Variants in DHX29 observed in about 807,000 individuals in gnomAD.
DHX29 encodes the protein DExH-box helicase 29.
Under a neutral mutation model 167.9 loss-of-function variants are expected in DHX29, and 79 were observed. That is an observed-to-expected ratio of 0.47 (90% CI 0.39 to 0.57). The LOEUF (loss-of-function observed/expected upper bound fraction) is 0.57. DHX29 is among the 20% of genes least tolerant of loss of function. The pLI, the probability that DHX29 is intolerant of heterozygous loss-of-function variation, is 0.00. For synonymous variants in DHX29, 530 were observed against 546.0 expected, an observed-to-expected ratio of 0.97 and a Z score of 0.41; for missense variants, 1,347 against 1,593.4, an observed-to-expected ratio of 0.85 and a Z score of 2.63.
Position 55,295,501 on chromosome 5 carries a change from G to A in DHX29, c.529C>T (p.Gln177Ter). The change falls in exon 5 of 27, where the codon CAG becomes TAG. Residue 177 changes from glutamine (Q) to a stop codon, truncating the protein, a stop_gained. Transcript: ENST00000251636. LOFTEE classifies it high-confidence loss of function. ...TTAGGTTGCTGCTCTTCAAATTCCTGACTGAATCCTTCAGGAAGTGCATCT... is the reference window on the plus strand; with the variant it reads ...TTAGGTTGCTGCTCTTCAAATTCCTAACTGAATCCTTCAGGAAGTGCATCT... ...SDDALPEGFSQEFEEQQPKSR... is the reference protein window; with the variant it reads ...SDDALPEGFS 1 of 1,613,804 alleles carries A rather than the reference G, an allele frequency of 6.2e-7. No individual in the cohort carries two copies.
At chr5:55,271,057 C>A (rs1746832256) in intron 18 of DHX29, among the ~76,000 whole-genome samples, 1 of 152,106 alleles carries the variant, frequency 6.6e-6, no homozygotes. Flanking sequence ...ATTCAACATA[C>A]CTTTCACGAT....
intron 5 of DHX29, among the ~76,000 whole-genome samples, chr5:55,294,536 G>T (rs1579811530): frequency 6.6e-6 from 1 of 152,132 alleles, no homozygotes; most frequent in South Asian, 2.1e-4. Context: ...TTAGCCATGC[G>T]TGGTGGAGGG....
At position 55,261,388 on chromosome 5, in the gene DHX29, C is replaced by T; in HGVS notation, c.3940G>A (p.Asp1314Asn). ...TGTACCTGAAAATAGATCCAGCCAT[C>T]AATAGAAAGAAGACGTTCTCGGTGC... ...VQHRERLLSI[D>N]GWIYFQAPVK... The change falls in exon 25 of 27, where the codon GAT becomes AAT. Residue 1314 changes from aspartate (D) to asparagine (N), a missense_variant. This residue lies in a region of DHX29 where 882 missense variants were observed against 1,082.4 expected (regional missense o/e 0.81). Coordinates refer to ENST00000251636, the MANE Select transcript of DHX29 (RefSeq NM_019030.4). The T allele has an allele frequency of 1.3e-6, 2 of 1,581,810 alleles. No homozygotes were observed. The highest frequency in any genetic ancestry group is 1.7e-6 in the Non-Finnish European group (2 of 1,155,722).
At chr5:55,290,175 A>T in intron 7 of DHX29, 43 bp downstream of exon 7, 2 of 1,577,212 alleles carry the variant, frequency 1.3e-6, no homozygotes, top group South Asian at 2.4e-5. Context: ...CAACAAATAG[A>T]AGACAATTAC....
Position 55,262,688 on chromosome 5 carries a change from T to A in DHX29, c.3770A>T (p.His1257Leu). 1 of 1,614,050 alleles carries A rather than the reference T, an allele frequency of 6.2e-7. No homozygotes were observed. Among genetic ancestry groups the A allele is most frequent in the Non-Finnish European group, 8.5e-7 (1 of 1,179,966 alleles). The change falls in exon 24 of 27, where the codon CAC becomes CTC. Residue 1257 changes from histidine (H) to leucine (L), a missense_variant. Physicochemically the swap from His to Leu is moderately conservative, Grantham distance 99 (BLOSUM62 -3). This residue lies in a region of DHX29 where 882 missense variants were observed against 1,082.4 expected (regional missense o/e 0.81). Transcript: ENST00000251636. ...VETAQGKAQV[H>L]PSSVNRDLQT... ...CAAATCTCGATTTACTGAGGATGGG[T>A]GTACTTGTGCTTTGCCTTGGGCCGT...
chr5:55,293,466 A>G (rs1748150823), intron 6 of DHX29, among the ~76,000 whole-genome samples: 1 of 152,160 alleles, frequency 6.6e-6, no homozygotes, highest in African/African-American at 2.4e-5. Flanking sequence ...TGATCCTTTT[A>G]GTTTTAGCCA....
At chr5:55,305,854 G>T (rs1001090980) in intron 1 of DHX29, among the ~76,000 whole-genome samples, 17 of 152,178 alleles carry the variant, frequency 1.1e-4, no homozygotes, top group Non-Finnish European at 2.1e-4. Flanking sequence ...GCTTGGAAGA[G>T]AGGCCATCTA....
Position 55,269,434 on chromosome 5 carries a change from T to C in DHX29, c.3273A>G (p.Ile1091Met). 1.9e-6 allele frequency: 3 copies of C among 1,612,976 alleles called. No homozygotes were observed. The highest frequency in any genetic ancestry group is 2.5e-6 in the Non-Finnish European group (3 of 1,179,998). ...KIGKMLIFGA[I>M]FGCLDPVATL... The stretch of plus-strand genomic sequence containing the variant: ...TTACCACTGGGTCAAGGCAGCCAAA[T>C]ATGGCACCAAAAATAAGCATCTTGC... Residue 1091 changes from isoleucine (I) to methionine (M), a missense_variant, in exon 21 of 27, where the codon ATA becomes ATG. Coordinates refer to ENST00000251636, the MANE Select transcript of DHX29 (RefSeq NM_019030.4).
chr5:55,274,253 TG>T (rs1260304405), intron 16 of DHX29, among the ~76,000 whole-genome samples: 3 of 151,856 alleles, frequency 2.0e-5, no homozygotes, highest in African/African-American at 7.3e-5. Context: ...TTAAATTAGC[TG>T]GGCGTAGTGG....
chr5:55,283,448 C>A lies in DHX29; in HGVS notation c.1720G>T (p.Val574Leu). The part of the protein sequence containing the change: ...KLLKERQQLP[V>L]FKHRDSIVET... Reference sequence around the variant, plus strand: ...ACAATTGAGTCCCGATGTTTAAATACAGGTAGCTGTTGTCTTTCCTTTAGA... The same window carrying A: ...ACAATTGAGTCCCGATGTTTAAATAAAGGTAGCTGTTGTCTTTCCTTTAGA... The change falls in exon 11 of 27, where the codon GTA becomes TTA. Residue 574 changes from valine to leucine, a missense_variant. Physicochemically the swap from Val to Leu is conservative, Grantham distance 32. Coordinates refer to ENST00000251636, the MANE Select transcript of DHX29 (RefSeq NM_019030.4). The A allele has an allele frequency of 6.2e-7, 1 of 1,614,202 alleles. No homozygotes were observed. The highest frequency in any genetic ancestry group is 8.5e-7 in the Non-Finnish European group (1 of 1,180,038).
In DHX29 at chr5:55,285,814, G is replaced by A. The variant is rs1307975359; in HGVS notation, c.1114C>T (p.Arg372Ter). Residue 372 changes from arginine (R) to a stop codon, truncating the protein, a stop_gained, in exon 9 of 27, where the codon CGA becomes TGA. Coordinates refer to ENST00000251636, the MANE Select transcript of DHX29 (RefSeq NM_019030.4). LOFTEE classifies it high-confidence loss of function. ...HDVRNFDYTA[R>*]SWTGKSPKQF... is the part of the protein sequence containing the mutation. ...TTGGGAGATTTTCCAGTCCAACTTC[G>A]AGCAGTATAGTCAAAATTTCTTACA... The A allele has an allele frequency of 6.9e-6, 11 of 1,599,082 alleles. No individual in the cohort carries two copies. Among genetic ancestry groups the A allele is most frequent in the African/African-American group, 1.3e-5 (1 of 74,570 alleles).
At chr5:55,288,656 T>TA (rs1307659222) in intron 8 of DHX29, among the ~76,000 whole-genome samples, 9 of 152,058 alleles carry the variant, frequency 5.9e-5, no homozygotes, top group African/African-American at 2.2e-4. Context: ...AAAAATTTTT[T>TA]AAAAAAATAA....
chr5:55,281,287 G>T (rs1226493996), intron 12 of DHX29, 85 bp downstream of exon 12: 2 of 1,170,160 alleles, frequency 1.7e-6, no homozygotes, highest in Non-Finnish European at 2.2e-6. Flanking sequence ...TAAGCATAAA[G>T]AAAATGTTAT....
intron 11 of DHX29, 47 bp from the exon 12 acceptor site, chr5:55,281,562 G>A (rs1708884969): frequency 7.1e-7 from 1 of 1,409,418 alleles, no homozygotes; most frequent in Non-Finnish European, 9.4e-7. Context: ...TGAGTAATAT[G>A]GGAAACAAGC....
At position 55,267,233 on chromosome 5, in the gene DHX29, T is replaced by A. The variant is rs768506280; in HGVS notation, c.3432-2A>T. On this transcript the variant is annotated splice_acceptor_variant, in intron 22 of 26. Coordinates refer to ENST00000251636, the MANE Select transcript of DHX29 (RefSeq NM_019030.4). LOFTEE classifies it high-confidence loss of function. ...CCTTCTTGTCGTGCTTTCTTCCATC[T>A]AGATAAATAAAATGTCAATTAATGA... 1.9e-6 allele frequency: 3 copies of A among 1,607,090 alleles called. No individual in the cohort carries two copies.
At chr5:55,288,702 G>C (rs1378531636) in intron 8 of DHX29, among the ~76,000 whole-genome samples, 3 of 152,112 alleles carry the variant, frequency 2.0e-5, no homozygotes, top group Non-Finnish European at 4.4e-5. Flanking sequence ...ATGATTACTT[G>C]TCTGGTGGTA....
In DHX29 at chr5:55,298,635, T is replaced by A. The variant is rs377134465; in HGVS notation, c.217A>T (p.Asn73Tyr). 6.4e-7 allele frequency: 1 copy of A among 1,550,810 alleles called. No individual in the cohort carries two copies. The highest frequency in any genetic ancestry group is 1.7e-5 in the Admixed American group (1 of 59,626). Residue 73 changes from asparagine to tyrosine, a missense_variant, in exon 2 of 27, where the codon AAT (asparagine) becomes TAT (tyrosine). Around this residue, in one of 3 missense-constraint regions of DHX29, gnomAD observed 405 missense variants for 416.8 expected, o/e 0.97. Coordinates refer to ENST00000251636, the MANE Select transcript of DHX29 (RefSeq NM_019030.4). ...AGATTTGCAGGACCACTAGAATCATTTGTAGAATTAAAACTATAAATTTTT... is the reference window on the plus strand; with the variant it reads ...AGATTTGCAGGACCACTAGAATCATATGTAGAATTAAAACTATAAATTTTT... ...GPKIYSFNST[N>Y]DSSGPANLDK... is the part of the protein sequence containing the mutation.
Position 55,256,560 on chromosome 5 carries a change from A to G in DHX29, c.4058-20T>C, listed in dbSNP as rs377731810. On this transcript the variant is annotated intron_variant, in intron 26 of 26. Transcript: ENST00000251636. ...TGTCATCTGAGTGGAAGGAAAAAAAAAAGCCACGAATAAATGCAACATTGT... is the reference window on the plus strand; with the variant it reads ...TGTCATCTGAGTGGAAGGAAAAAAAGAAGCCACGAATAAATGCAACATTGT... 6.3e-6 allele frequency: 10 copies of G among 1,580,902 alleles called. No individual in the cohort carries two copies. Among genetic ancestry groups the G allele is most frequent in the Non-Finnish European group, 5.1e-6 (6 of 1,171,098 alleles).
intron 21 of DHX29, 40 bp downstream of exon 21, chr5:55,269,373 G>T (rs1467929773): frequency 6.3e-7 from 1 of 1,587,866 alleles, no homozygotes; most frequent in South Asian, 1.1e-5. Context: ...CTGGTCAAAG[G>T]ATATTTAAAG....
Sources: allele counts gnomAD v4.1 joint callset (sites outside exome capture counted in the v4.1 genomes callset), GRCh38; gene constraint gnomAD v4.1.1; regional missense constraint gnomAD v4.1.1; transcripts MANE v1.5; gene names NCBI Gene and HGNC (gene_info 2026-07-23, HGNC 2026-07-21).